Variants in SOS1 observed in about 807,000 individuals in gnomAD.
SOS1 encodes son of sevenless homolog 1.
A neutral mutation model predicts 157.6 loss-of-function variants in SOS1; 25 were observed. The observed-to-expected ratio is 0.16, with a 90% CI of 0.12 to 0.22. The LOEUF (loss-of-function observed/expected upper bound fraction) is 0.22, where lower values mean the gene tolerates loss of function less well. Ranked by LOEUF, SOS1 falls within the 10% of genes least tolerant of loss-of-function variation. The pLI is 1.00. For missense variants in SOS1, 1,237 were observed against 1,599.1 expected (o/e 0.77, Z 3.86); for synonymous variants, 528 against 534.0 (o/e 0.99, Z 0.16).
At chr2:39,056,959 AC>A in intron 3 of SOS1, 93 bp from the exon 4 acceptor site, 3 of 942,790 alleles carry the variant, frequency 3.2e-6, no homozygotes, top group Non-Finnish European at 5.1e-6. Context: ...ACCTTAACTT[AC>A]ACTTTTTTTC....
At chr2:39,094,953 C>CT (rs1672719627) in intron 1 of SOS1, among the ~76,000 whole-genome samples, 1 of 152,072 alleles carries the variant, frequency 6.6e-6, no homozygotes, top group Non-Finnish European at 1.5e-5. Context: ...GAGAAGCTCC[C>CT]AAGAGAAATC....
chr2:39,051,817 A>G (rs1264319382), intron 5 of SOS1, among the ~76,000 whole-genome samples: 1 of 152,186 alleles, frequency 6.6e-6, no homozygotes, highest in African/African-American at 2.4e-5. Flanking sequence ...ATTTCTGCAT[A>G]CAATCTGTTG....
intron 17 of SOS1, among the ~76,000 whole-genome samples, chr2:38,998,043 A>G (rs1253282623): frequency 6.6e-6 from 1 of 152,202 alleles, no homozygotes; most frequent in East Asian, 1.9e-4. Context: ...GTGGGACTGC[A>G]TACGATTTAT....
intron 4 of SOS1, 141 bp from the exon 5 acceptor site, chr2:39,054,964 C>A: frequency 1.6e-6 from 1 of 620,552 alleles, no homozygotes; most frequent in Non-Finnish European, 2.8e-6. Context: ...GGATATATTG[C>A]CAGCATCCCT....
chr2:39,113,518 G>A (rs1220550001), intron 1 of SOS1, among the ~76,000 whole-genome samples: 1 of 151,948 alleles, frequency 6.6e-6, no homozygotes, highest in Non-Finnish European at 1.5e-5. Flanking sequence ...AGAGTTGGGG[G>A]AGGGAGGCCA....
chr2:39,033,086 T>C (rs1670221584), intron 8 of SOS1, among the ~76,000 whole-genome samples: 2 of 151,164 alleles, frequency 1.3e-5, no homozygotes, highest in African/African-American at 4.9e-5. Flanking sequence ...TTTTTTTTTT[T>C]CGAGATGGAG....
In SOS1 at chr2:38,996,909, T is replaced by C. The variant is rs189695571; in HGVS notation, c.3081+13A>G. 589 of 1,299,058 alleles carry C rather than the reference T, an allele frequency of 4.5e-4. 2 individuals are homozygous for C. In the African/African-American group the frequency reaches 7.7e-3, roughly 17 times the overall value. 80.5% of individuals were successfully genotyped at this position (1,299,058 alleles called of 1,614,324 possible). On this transcript the variant is annotated intron_variant, in intron 19 of 22. Transcript: ENST00000402219. ...TAGTAATGACATCACCAGACAAATA[T>C]ACAAATGCTTACAAATCTTGGGAGA...
Position 39,059,589 on chromosome 2 carries a change from A to C in SOS1, c.214-785T>G. ...CATAACTTTTACACATGTGTTTTGA[A>C]TAAATGAGTATTCAACTAGTATGTA... is the stretch of plus-strand genomic sequence containing the variant. On this transcript the variant is annotated intron_variant, in intron 2 of 22. Coordinates refer to ENST00000402219, the MANE Select transcript of SOS1 (RefSeq NM_005633.4). Among the ~76,000 whole-genome samples, 2 of 152,224 alleles carry C rather than the reference A, an allele frequency of 1.3e-5. 1 individual carries two copies. The highest frequency in any genetic ancestry group is 4.1e-4 in the South Asian group (2 of 4,832).
intron 1 of SOS1, among the ~76,000 whole-genome samples, chr2:39,107,148 T>C (rs10189440): frequency 0.083 from 12,581 of 152,032 alleles, 1,856 homozygotes; most frequent in African/African-American, 0.29. Flanking sequence ...GGGGAAAAAC[T>C]GTACTTTATC....
At chr2:39,012,915 T>C (rs2888577) in intron 13 of SOS1, among the ~76,000 whole-genome samples, 151,651 of 152,236 alleles carry the variant, frequency 1, 75,537 homozygotes, top group Middle Eastern at 1. Context: ...TTGTCTAAGA[T>C]ATCCTTAGAG....
chr2:38,990,788 C>A lies in SOS1; in HGVS notation c.3347-1474G>T, dbSNP rs181451996. Among the ~76,000 whole-genome samples the A allele has an allele frequency of 1.6e-3, 249 of 152,244 alleles. 2 individuals are homozygous for A. The highest frequency in any genetic ancestry group is 5.5e-3 in the African/African-American group (227 of 41,552). On this transcript the variant is annotated intron_variant, in intron 20 of 22. Coordinates refer to ENST00000402219, the MANE Select transcript of SOS1 (RefSeq NM_005633.4). ...TATTTATATATAGCACAGGCTTAGACTCATGCATTTGGTAAATTTGGGGCA... is the reference window on the plus strand; with the variant it reads ...TATTTATATATAGCACAGGCTTAGAATCATGCATTTGGTAAATTTGGGGCA...
intron 2 of SOS1, among the ~76,000 whole-genome samples, chr2:39,059,248 C>A (rs910259067): frequency 2.0e-5 from 3 of 152,172 alleles, no homozygotes; most frequent in Non-Finnish European, 2.9e-5. Flanking sequence ...ATCCACCATG[C>A]AAAGGCACTT....
intron 15 of SOS1, 167 bp from the exon 16 acceptor site, chr2:39,007,360 C>T: frequency 3.3e-6 from 2 of 610,982 alleles, no homozygotes; most frequent in Admixed American, 2.8e-5. Flanking sequence ...GGCAGTGCCT[C>T]CAGTCAGGCA....
At chr2:39,020,405 CATGT>C (rs905326628) in intron 10 of SOS1, among the ~76,000 whole-genome samples, 6 of 151,642 alleles carry the variant, frequency 4.0e-5, no homozygotes, top group Non-Finnish European at 8.9e-5. Context: ...TAAATTTTCT[CATGT>C]ATTATATCCA....
At position 39,120,597 on chromosome 2, in the gene SOS1, CGCGCCT is replaced by C. The variant is rs1400819715; in HGVS notation, c.-181_-176del. The C allele has an allele frequency of 3.0e-6, 2 of 673,362 alleles. No individual in the cohort carries two copies. Among genetic ancestry groups the C allele is most frequent in the African/African-American group, 3.9e-5 (2 of 50,958 alleles). The allele number at this position is 673,362 out of a possible 1,614,324, so 41.7% of individuals were successfully genotyped here. ...GGCGAGGGGGCTGGGGGGCGAGGCC[CGCGCCT>C]GGCCACCCACCCGACACAGGTACCA... On this transcript the variant is annotated 5_prime_UTR_variant, in exon 1 of 23. Transcript: ENST00000402219.
intron 1 of SOS1, among the ~76,000 whole-genome samples, chr2:39,084,183 T>TA (rs1164741664): frequency 1.3e-5 from 2 of 152,194 alleles, no homozygotes; most frequent in Admixed American, 1.3e-4. Flanking sequence ...TTAAGCCACT[T>TA]AGTCTGTGGT....
At chr2:39,062,652 G>T (rs187831083) in intron 2 of SOS1, among the ~76,000 whole-genome samples, 1 of 149,466 alleles carries the variant, frequency 6.7e-6, no homozygotes, top group African/African-American at 2.4e-5. Context: ...TCACTGTCCT[G>T]AGAAATCAAA....
chr2:39,062,435 T>TAAAAAAAAAAAA (rs397974197), intron 2 of SOS1, among the ~76,000 whole-genome samples: 7 of 138,490 alleles, frequency 5.1e-5, no homozygotes, highest in East Asian at 2.1e-4. Flanking sequence ...AAAAAAAAAT[T>TAAAAAAAAAAAA]AAAAAAAAAA....
intron 8 of SOS1, among the ~76,000 whole-genome samples, chr2:39,025,356 C>CT (rs770708245): frequency 9.6e-4 from 138 of 144,480 alleles, no homozygotes; most frequent in Admixed American, 1.2e-3. Context: ...GTTTATTTTT[C>CT]TTTTTTTTTT....
Sources: allele counts gnomAD v4.1 joint callset (sites outside exome capture counted in the v4.1 genomes callset), GRCh38; gene constraint gnomAD v4.1.1; transcripts MANE v1.5; gene names NCBI Gene and HGNC (gene_info 2026-07-23, HGNC 2026-07-21).